Variants in GAK observed in about 807,000 individuals in gnomAD.
The protein encoded by GAK is cyclin-G-associated kinase.
In GAK, 79 loss-of-function variants were observed where a neutral mutation model predicts 143.9. That is an observed-to-expected ratio of 0.55 (90% CI 0.46 to 0.66). The LOEUF is 0.66. Among genes scored for constraint, GAK ranks in the 30% least tolerant of loss-of-function variants. GAK has a pLI of 0.00. For missense variants in GAK, 1,693 were observed against 1,779.7 expected (o/e 0.95, Z 0.88); for synonymous variants, 881 against 765.5 (o/e 1.15, Z -2.49).
At chr4:928,758 TTTTC>T (rs1181732819) in intron 1 of GAK, among the ~76,000 whole-genome samples, 1 of 152,182 alleles carries the variant, frequency 6.6e-6, no homozygotes, top group Non-Finnish European at 1.5e-5. Flanking sequence ...GAACATTCTT[TTTTC>T]TTTTCTTTTT....
In GAK at chr4:850,072, C is replaced by A. The variant is rs369524335; in HGVS notation, c.3658-4G>T. The A allele has an allele frequency of 4.7e-4, 732 of 1,562,748 alleles. No homozygotes were observed. The highest frequency in any genetic ancestry group is 3.9e-4 in the Non-Finnish European group (445 of 1,146,370). Reference sequence around the variant, plus strand: ...TGCCCTCAATCCAGTCCAGGAGCTGCGGGAGACACGGAGCTTGCCGAGCCC... The same window carrying A: ...TGCCCTCAATCCAGTCCAGGAGCTGAGGGAGACACGGAGCTTGCCGAGCCC... On this transcript the variant is annotated splice_polypyrimidine_tract_variant and splice_region_variant and intron_variant, in intron 26 of 27. Transcript: ENST00000314167.
intron 25 of GAK, chr4:851,511 G>T (rs1748134223): frequency 1.7e-6 from 1 of 588,542 alleles, no homozygotes; most frequent in Non-Finnish European, 3.0e-6. Flanking sequence ...AGACAGGGTT[G>T]CAAAGGCCAT....
chr4:871,631 G>A (rs1712643922), intron 18 of GAK, among the ~76,000 whole-genome samples: 2 of 151,808 alleles, frequency 1.3e-5, no homozygotes. Flanking sequence ...GCCTTGGGGT[G>A]TCGGCCGTGC....
intron 3 of GAK, 163 bp from the exon 4 acceptor site, chr4:911,950 GA>G: frequency 1.8e-6 from 1 of 567,638 alleles, no homozygotes; most frequent in Non-Finnish European, 3.2e-6. Flanking sequence ...AGCAGTGGAC[GA>G]CCGAGAGAAA....
At chr4:906,364 G>A (rs147503938) in intron 4 of GAK, among the ~76,000 whole-genome samples, 25 of 152,264 alleles carry the variant, frequency 1.6e-4, no homozygotes, top group Non-Finnish European at 2.9e-4. Context: ...GTGCCTGTGC[G>A]TGACCCACAC....
chr4:890,024 C>T (rs1392104618), intron 10 of GAK, among the ~76,000 whole-genome samples: 1 of 152,216 alleles, frequency 6.6e-6, no homozygotes, highest in African/African-American at 2.4e-5. Context: ...CTCAGGGTCG[C>T]TACTGTAGTA....
At chr4:862,055 G>A (rs1433044660) in intron 23 of GAK, among the ~76,000 whole-genome samples, 1 of 152,212 alleles carries the variant, frequency 6.6e-6, no homozygotes, top group African/African-American at 2.4e-5. Context: ...ATGCAGCTGA[G>A]ACCACTGATG....
intron 4 of GAK, among the ~76,000 whole-genome samples, chr4:911,344 C>G (rs995405612): frequency 6.6e-6 from 1 of 152,212 alleles, no homozygotes; most frequent in Non-Finnish European, 1.5e-5. Context: ...CTCCTCCACC[C>G]CTGCTAAACA....
rs774748902 is a variant in GAK at position 868,696 on chromosome 4, G to C, written c.2249-11C>G. ...GAAGCTCCGGCTTCCCTGCAGGAGA[G>C]GGAGGGCGTCAGGGCACTGGCACTG... On this transcript the variant is annotated splice_polypyrimidine_tract_variant and intron_variant, in intron 19 of 27. Coordinates refer to ENST00000314167, the MANE Select transcript of GAK (RefSeq NM_005255.4). 80 of 1,547,404 alleles carry C rather than the reference G, an allele frequency of 5.2e-5. No individual in the cohort carries two copies. The highest frequency in any genetic ancestry group is 6.4e-5 in the Non-Finnish European group (73 of 1,146,400).
chr4:888,047 G>A (rs1489715004), intron 11 of GAK: 1 of 152,304 alleles, frequency 6.6e-6, no homozygotes, highest in Non-Finnish European at 1.5e-5. Context: ...ACCTGGTGCT[G>A]GGGACACAAA....
intron 4 of GAK, among the ~76,000 whole-genome samples, chr4:909,371 A>G (rs891084064): frequency 6.6e-6 from 1 of 152,238 alleles, no homozygotes; most frequent in Non-Finnish European, 1.5e-5. Context: ...GCCATGAACA[A>G]CAAGAGATTG....
intron 18 of GAK, among the ~76,000 whole-genome samples, chr4:871,638 G>T (rs924257469): frequency 6.6e-6 from 1 of 151,052 alleles, no homozygotes; most frequent in African/African-American, 2.4e-5. Context: ...GGTGTCGGCC[G>T]TGCGGGTGGG....
chr4:879,386 C>A (rs1267155655), intron 15 of GAK, among the ~76,000 whole-genome samples: 2 of 152,210 alleles, frequency 1.3e-5, no homozygotes, highest in African/African-American at 4.8e-5. Flanking sequence ...CTGTTTCCTA[C>A]TTGTTTGATC....
intron 24 of GAK, among the ~76,000 whole-genome samples, chr4:854,094 G>C (rs187971012): frequency 6.6e-6 from 1 of 151,450 alleles, no homozygotes; most frequent in Non-Finnish European, 1.5e-5. Context: ...CACCATGCCC[G>C]GCCGTCTCTC....
At chr4:922,184 T>TGAA (rs1194702990) in intron 1 of GAK, among the ~76,000 whole-genome samples, 1 of 151,988 alleles carries the variant, frequency 6.6e-6, no homozygotes, top group Non-Finnish European at 1.5e-5. Flanking sequence ...CCTTATAAGA[T>TGAA]GAAGACACAC....
At chr4:875,122 G>C (rs1713572350) in intron 18 of GAK, among the ~76,000 whole-genome samples, 1 of 152,128 alleles carries the variant, frequency 6.6e-6, no homozygotes, top group Non-Finnish European at 1.5e-5. Context: ...CCTGCCTCCA[G>C]CATTTAAGTC....
intron 18 of GAK, 33 bp from the exon 19 acceptor site, chr4:870,937 C>A: frequency 6.4e-7 from 1 of 1,567,502 alleles, no homozygotes; most frequent in Non-Finnish European, 8.7e-7. Flanking sequence ...CTTAGGAAGG[C>A]CACCCAAGTA....
intron 18 of GAK, among the ~76,000 whole-genome samples, chr4:875,399 G>A (rs1290883527): frequency 3.9e-5 from 6 of 152,218 alleles, no homozygotes; most frequent in African/African-American, 9.6e-5. Context: ...CCGGTCTCCC[G>A]GTGCAGGCCG....
intron 27 of GAK, 47 bp from the exon 28 acceptor site, chr4:849,821 C>CGGGGGGGGGGGGGGGGG: frequency 7.0e-7 from 1 of 1,435,342 alleles, no homozygotes; most frequent in Non-Finnish European, 9.5e-7. Flanking sequence ...CATGCGGGGG[C>CGGGGGGGGGGGGGGGGG]GGGCGGGGCA....
Sources: gnomAD v4.1 joint callset for allele counts (sites outside exome capture counted in the v4.1 genomes callset) on GRCh38, gnomAD v4.1.1 for gene constraint, MANE v1.5 for transcripts, NCBI Gene and HGNC (gene_info 2026-07-23, HGNC 2026-07-21) for gene names.